The following CAMK4 variants were observed in gnomAD, a reference collection of about 807,000 sequenced individuals.
CAMK4 encodes calcium/calmodulin dependent protein kinase IV.
A neutral mutation model predicts 44.9 loss-of-function variants in CAMK4; 22 were observed. The ratio of observed to expected loss-of-function variants is 0.49; its 90% confidence interval spans 0.35 to 0.70. The LOEUF is 0.70. Ranked by LOEUF, CAMK4 falls within the 30% of genes least tolerant of loss-of-function variation. The pLI, the probability that CAMK4 is intolerant of heterozygous loss-of-function variation, is 0.01. For synonymous variants in CAMK4, 218 were observed against 215.4 expected, an observed-to-expected ratio of 1.01 and a Z score of -0.11; for missense variants, 498 against 586.8, an observed-to-expected ratio of 0.85 and a Z score of 1.56.
At chr5:111,397,649 C>G (rs963820809) in intron 5 of CAMK4, among the ~76,000 whole-genome samples, 1 of 88,506 alleles carries the variant, frequency 1.1e-5, no homozygotes, top group African/African-American at 4.3e-5. Flanking sequence ...AGTCAGCATG[C>G]TGTGTGTGTG....
chr5:111,240,587 A>G (rs911360083), intron 1 of CAMK4, among the ~76,000 whole-genome samples: 3 of 152,216 alleles, frequency 2.0e-5, no homozygotes, highest in African/African-American at 4.8e-5. Context: ...CAAATTAATA[A>G]CCTTGAAGAA....
chr5:111,387,249 C>CA (rs1470156725), intron 4 of CAMK4, among the ~76,000 whole-genome samples: 2 of 152,108 alleles, frequency 1.3e-5, no homozygotes, highest in African/African-American at 4.8e-5. Flanking sequence ...TTCTAAAACT[C>CA]AGAGTCATGA....
At chr5:111,463,649 G>A (rs1229362821) in intron 7 of CAMK4, among the ~76,000 whole-genome samples, 2 of 152,174 alleles carry the variant, frequency 1.3e-5, no homozygotes, top group Non-Finnish European at 2.9e-5. Context: ...GAGACCTGAA[G>A]ATGGTTTACA....
chr5:111,325,639 G>A (rs983196642), intron 1 of CAMK4, among the ~76,000 whole-genome samples: 61 of 152,204 alleles, frequency 4.0e-4, no homozygotes, highest in African/African-American at 1.4e-3. Context: ...GTGATGATGA[G>A]CTTTTTTCCC....
At chr5:111,255,224 G>A (rs534383712) in intron 1 of CAMK4, among the ~76,000 whole-genome samples, 1 of 152,144 alleles carries the variant, frequency 6.6e-6, no homozygotes, top group African/African-American at 2.4e-5. Context: ...CCTGGTTCCT[G>A]AGCCTTATAA....
intron 1 of CAMK4, among the ~76,000 whole-genome samples, chr5:111,229,429 A>G (rs148365372): frequency 8.5e-4 from 129 of 152,314 alleles, no homozygotes; most frequent in Middle Eastern, 3.4e-3. Flanking sequence ...ACTAAACATA[A>G]TTACCTTCCA....
intron 1 of CAMK4, among the ~76,000 whole-genome samples, chr5:111,339,738 A>G (rs1031407110): frequency 9.3e-5 from 14 of 151,054 alleles, no homozygotes; most frequent in African/African-American, 3.2e-4. Context: ...GGAATTTCGG[A>G]ATTTTTTTTT....
chr5:111,432,426 T>C (rs1753482768), intron 5 of CAMK4, among the ~76,000 whole-genome samples: 1 of 151,774 alleles, frequency 6.6e-6, no homozygotes, highest in Non-Finnish European at 1.5e-5. Context: ...AAAGAATGAA[T>C]AAGGCCTACT....
chr5:111,450,193 G>C (rs1315168710), intron 7 of CAMK4, among the ~76,000 whole-genome samples: 6 of 152,016 alleles, frequency 3.9e-5, no homozygotes, highest in Non-Finnish European at 7.4e-5. Flanking sequence ...AGCCAGGTAT[G>C]ATGGTGCACA....
intron 4 of CAMK4, among the ~76,000 whole-genome samples, chr5:111,385,733 C>A (rs1046154186): frequency 6.6e-6 from 1 of 152,090 alleles, no homozygotes; most frequent in Non-Finnish European, 1.5e-5. Context: ...GCCACCAGGT[C>A]CAGCTAATTT....
At chr5:111,353,797 G>T (rs10057819) in intron 2 of CAMK4, among the ~76,000 whole-genome samples, 8,311 of 152,172 alleles carry the variant, frequency 0.055, 341 homozygotes, top group East Asian at 0.21. Context: ...TTAAGGAGGT[G>T]AAAGATCTGT....
chr5:111,467,548 A>G (rs1022480490), intron 7 of CAMK4, among the ~76,000 whole-genome samples: 1 of 152,186 alleles, frequency 6.6e-6, no homozygotes, highest in African/African-American at 2.4e-5. Flanking sequence ...AAGGACATGA[A>G]TGGACAATTC....
At chr5:111,469,636 T>G (rs562312901) in intron 7 of CAMK4, among the ~76,000 whole-genome samples, 2 of 152,306 alleles carry the variant, frequency 1.3e-5, no homozygotes, top group African/African-American at 4.8e-5. Flanking sequence ...TGCCAGTATG[T>G]GTCTCTGGCC....
chr5:111,377,041 AT>A, intron 4 of CAMK4, 99 bp downstream of exon 4: 1 of 719,174 alleles, frequency 1.4e-6, no homozygotes, highest in Non-Finnish European at 2.4e-6. Flanking sequence ...ATAATGACAG[AT>A]TATACTTGTT....
Position 111,376,950 on chromosome 5 carries a change from G to T in CAMK4, c.386+8G>T. On this transcript the variant is annotated splice_region_variant and intron_variant, in intron 4 of 10. Coordinates refer to ENST00000282356, the MANE Select transcript of CAMK4 (RefSeq NM_001744.6). ...AGGAGAACTGTTTGATAGGTGAGTT[G>T]GTTCTGGAAATATAACCACAGAAAG... 6.4e-7 allele frequency: 1 copy of T among 1,570,186 alleles called. No homozygotes were observed. The highest frequency in any genetic ancestry group is 8.7e-7 in the Non-Finnish European group (1 of 1,150,614).
intron 1 of CAMK4, among the ~76,000 whole-genome samples, chr5:111,336,664 G>T (rs1386255046): frequency 6.6e-6 from 1 of 151,100 alleles, no homozygotes; most frequent in Non-Finnish European, 1.5e-5. Context: ...GGAATTTATT[G>T]ATAGGTTAAT....
intron 4 of CAMK4, among the ~76,000 whole-genome samples, chr5:111,390,624 G>A (rs1164060584): frequency 6.6e-6 from 1 of 152,148 alleles, no homozygotes; most frequent in East Asian, 1.9e-4. Context: ...CAAACTTTGT[G>A]CCAGCTGAAG....
At chr5:111,253,521 A>G (rs1257406123) in intron 1 of CAMK4, among the ~76,000 whole-genome samples, 1 of 152,240 alleles carries the variant, frequency 6.6e-6, no homozygotes, top group Non-Finnish European at 1.5e-5. Flanking sequence ...TCATTTAAAA[A>G]GAAGCAGAAA....
At chr5:111,420,678 A>T (rs951480407) in intron 5 of CAMK4, among the ~76,000 whole-genome samples, 3 of 152,220 alleles carry the variant, frequency 2.0e-5, no homozygotes, top group Admixed American at 6.5e-5. Flanking sequence ...CTATACCTCT[A>T]GGCGTGTATT....
Sources: gnomAD v4.1 joint callset for allele counts (sites outside exome capture counted in the v4.1 genomes callset) on GRCh38, gnomAD v4.1.1 for gene constraint, MANE v1.5 for transcripts, NCBI Gene and HGNC (gene_info 2026-07-23, HGNC 2026-07-21) for gene names.